Variants in C8orf34 observed in about 807,000 individuals in gnomAD.
C8orf34 encodes the protein chromosome 8 open reading frame 34.
In C8orf34, 65 loss-of-function variants were observed where a neutral mutation model predicts 68.3. The ratio of observed to expected loss-of-function variants is 0.95; its 90% confidence interval spans 0.78 to 1.17. The LOEUF (loss-of-function observed/expected upper bound fraction) is 1.17, where lower values mean the gene tolerates loss of function less well. Among genes scored for constraint, C8orf34 ranks in the 50% most tolerant of loss-of-function variants. The pLI is 0.00. For synonymous variants in C8orf34, 244 were observed against 241.2 expected (o/e 1.01, Z -0.11); for missense variants, 664 against 655.4 (o/e 1.01, Z -0.14).
intron 5 of C8orf34, among the ~76,000 whole-genome samples, chr8:68,520,063 A>G (rs776096544): frequency 5.9e-5 from 9 of 152,172 alleles, no homozygotes; most frequent in Non-Finnish European, 1.2e-4. Context: ...GAAAACATTC[A>G]TTTGATTGCA....
intron 8 of C8orf34, among the ~76,000 whole-genome samples, chr8:68,676,677 T>C (rs1419789069): frequency 6.6e-6 from 1 of 152,200 alleles, no homozygotes; most frequent in Non-Finnish European, 1.5e-5. Flanking sequence ...AATCTATAAA[T>C]TTTTAAAATA....
At chr8:68,466,765 A>ATATATATATATATATATATAGATATG (rs1242128072) in intron 3 of C8orf34, among the ~76,000 whole-genome samples, 1 of 123,318 alleles carries the variant, frequency 8.1e-6, no homozygotes, top group Non-Finnish European at 1.7e-5. Flanking sequence ...ATATATATAT[A>ATATATATATATATATATATAGATATG]GATGCTTTCA....
chr8:68,392,875 G>A (rs913253398), intron 1 of C8orf34, among the ~76,000 whole-genome samples: 1 of 152,194 alleles, frequency 6.6e-6, no homozygotes, highest in African/African-American at 2.4e-5. Flanking sequence ...TTTGGAAAAA[G>A]CCTAAGGATT....
intron 1 of C8orf34, among the ~76,000 whole-genome samples, chr8:68,432,100 G>A (rs903505122): frequency 6.6e-6 from 1 of 152,020 alleles, no homozygotes; most frequent in Non-Finnish European, 1.5e-5. Flanking sequence ...CTATGACTGT[G>A]TGCATTGGTG....
Position 68,768,266 on chromosome 8 carries a change from G to C in C8orf34, c.1405-8133G>C, listed in dbSNP as rs192085111. ...TATTGGGTGGTACAGGATGTGCCAA[G>C]CTTACATTGTATATTTCCTGCCCTA... On this transcript the variant is annotated intron_variant, in intron 10 of 13. Coordinates refer to ENST00000518698, the MANE Select transcript of C8orf34 (RefSeq NM_052958.4). 8.1e-4 allele frequency among the ~76,000 whole-genome samples: 124 copies of C among 152,234 alleles called. 1 individual carries two copies. Among genetic ancestry groups the C allele is most frequent in the Admixed American group, 6.7e-3 (103 of 15,284 alleles).
chr8:68,737,883 G>A (rs542691845), intron 10 of C8orf34, among the ~76,000 whole-genome samples: 2 of 151,956 alleles, frequency 1.3e-5, no homozygotes, highest in Non-Finnish European at 2.9e-5. Context: ...AATTAACAAA[G>A]ATATTTAGGA....
At chr8:68,685,570 C>G (rs977844376) in intron 8 of C8orf34, among the ~76,000 whole-genome samples, 3 of 151,938 alleles carry the variant, frequency 2.0e-5, no homozygotes, top group Admixed American at 2.0e-4. Context: ...CATGTTGATC[C>G]AGGGTTTGGA....
chr8:68,470,349 T>G (rs753231654), intron 4 of C8orf34, among the ~76,000 whole-genome samples: 1 of 152,128 alleles, frequency 6.6e-6, no homozygotes, highest in Non-Finnish European at 1.5e-5. Context: ...GTAAAGATTT[T>G]CAAATACATG....
intron 1 of C8orf34, among the ~76,000 whole-genome samples, chr8:68,342,553 C>T: frequency 6.6e-6 from 1 of 152,156 alleles, no homozygotes; most frequent in East Asian, 1.9e-4. Flanking sequence ...CCCAAAAATA[C>T]AAAACAGAAA....
intron 6 of C8orf34, among the ~76,000 whole-genome samples, chr8:68,532,440 A>C (rs1248609249): frequency 6.6e-6 from 1 of 152,196 alleles, no homozygotes; most frequent in Admixed American, 6.5e-5. Context: ...AGTCACTAAT[A>C]AAACTATACA....
intron 7 of C8orf34, among the ~76,000 whole-genome samples, chr8:68,619,267 A>C (rs1026824657): frequency 1.3e-5 from 2 of 152,222 alleles, no homozygotes; most frequent in African/African-American, 4.8e-5. Flanking sequence ...CAGAGGTTTC[A>C]GTGAGCCAAG....
chr8:68,465,644 C>T (rs1034723014), intron 3 of C8orf34, among the ~76,000 whole-genome samples: 7 of 152,054 alleles, frequency 4.6e-5, no homozygotes, highest in African/African-American at 1.7e-4. Context: ...AGTTCATGTC[C>T]TTTGTAGGGA....
chr8:68,808,719 A>G (rs1035585711), intron 12 of C8orf34, among the ~76,000 whole-genome samples: 1 of 152,076 alleles, frequency 6.6e-6, no homozygotes, highest in Non-Finnish European at 1.5e-5. Context: ...AGCATTTTTT[A>G]TAAGGGACTG....
chr8:68,453,246 T>C lies in C8orf34; in HGVS notation c.607+6786T>C, dbSNP rs1811418590. 2.6e-5 allele frequency among the ~76,000 whole-genome samples: 4 copies of C among 152,094 alleles called. No individual in the cohort carries two copies. The South Asian group carries it at 8.3e-4, about 31-fold the overall frequency. ...TTTCTCTTTTTCTCTCTCAGGATTG[T>C]TTAGGCTACTCTGAGTGCCCTGAAG... On this transcript the variant is annotated intron_variant, in intron 3 of 13. Transcript: ENST00000518698.
At chr8:68,818,159 TCA>T in intron 13 of C8orf34, 78 bp from the exon 14 acceptor site, 4 of 1,434,200 alleles carry the variant, frequency 2.8e-6, no homozygotes, top group Non-Finnish European at 3.9e-6. Flanking sequence ...AGCATTAAAA[TCA>T]CAATTTTTCT....
At chr8:68,525,612 C>A (rs138044435) in intron 6 of C8orf34, 10 of 820,912 alleles carry the variant, frequency 1.2e-5, no homozygotes, top group Non-Finnish European at 2.1e-5. Context: ...ACAATGAAAC[C>A]GAACTGGTCA....
At chr8:68,797,225 T>C (rs954635600) in intron 12 of C8orf34, among the ~76,000 whole-genome samples, 3 of 152,232 alleles carry the variant, frequency 2.0e-5, no homozygotes, top group African/African-American at 7.2e-5. Context: ...CTCTAAGCGC[T>C]TAGGAGAGGC....
chr8:68,336,891 G>A (rs1038763962), intron 1 of C8orf34, among the ~76,000 whole-genome samples: 1 of 152,024 alleles, frequency 6.6e-6, no homozygotes, highest in Non-Finnish European at 1.5e-5. Flanking sequence ...GACAACTTGA[G>A]GGTCAAAATA....
At chr8:68,794,567 C>T (rs1389196746) in intron 12 of C8orf34, among the ~76,000 whole-genome samples, 2 of 141,162 alleles carry the variant, frequency 1.4e-5, no homozygotes, top group Non-Finnish European at 3.0e-5. Flanking sequence ...TGCAGTGGCA[C>T]AATCATAGCT....
Sources: allele counts gnomAD v4.1 joint callset (sites outside exome capture counted in the v4.1 genomes callset), GRCh38; gene constraint gnomAD v4.1.1; transcripts MANE v1.5; gene names NCBI Gene and HGNC (gene_info 2026-07-23, HGNC 2026-07-21).